The following IQCK variants were observed in gnomAD, a reference collection of about 807,000 sequenced individuals.
IQCK encodes IQ domain-containing protein K.
A neutral mutation model predicts 28.1 loss-of-function variants in IQCK; 29 were observed. The ratio of observed to expected loss-of-function variants is 1.03; its 90% confidence interval spans 0.77 to 1.41. The LOEUF (loss-of-function observed/expected upper bound fraction) is 1.41, where lower values mean the gene tolerates loss of function less well. Among genes scored for constraint, IQCK ranks in the 40% most tolerant of loss-of-function variants. The probability of loss-of-function intolerance (pLI) is 0.00; values close to 1 mark genes in which losing one functional copy is unlikely to be tolerated. For missense variants in IQCK, 359 were observed against 314.7 expected, an observed-to-expected ratio of 1.14 and a Z score of -1.07; for synonymous variants, 113 against 115.1, an observed-to-expected ratio of 0.98 and a Z score of 0.12.
chr16:19,763,267 AAG>A (rs1597533106), intron 4 of IQCK, among the ~76,000 whole-genome samples: 3 of 152,334 alleles, frequency 2.0e-5, no homozygotes, highest in Admixed American at 6.5e-5. Context: ...AAATTATAGA[AAG>A]AGAAAATATA....
intron 1 of IQCK, among the ~76,000 whole-genome samples, chr16:19,726,913 C>A (rs527501737): frequency 9.2e-5 from 14 of 152,170 alleles, no homozygotes; most frequent in South Asian, 8.3e-4. Context: ...GTGGGCAGAT[C>A]ACTTGAGATC....
intron 4 of IQCK, among the ~76,000 whole-genome samples, chr16:19,738,278 A>C (rs2054783935): frequency 6.6e-6 from 1 of 152,160 alleles, no homozygotes; most frequent in Non-Finnish European, 1.5e-5. Context: ...GCTTCCTTCT[A>C]TCTGGGAAGG....
At chr16:19,722,766 G>A (rs977785644) in intron 1 of IQCK, among the ~76,000 whole-genome samples, 1 of 151,694 alleles carries the variant, frequency 6.6e-6, no homozygotes, top group Non-Finnish European at 1.5e-5. Context: ...GCCCAGGCTG[G>A]AGTACAGAGG....
intron 4 of IQCK, among the ~76,000 whole-genome samples, chr16:19,740,054 G>A (rs911283294): frequency 3.9e-5 from 6 of 152,172 alleles, no homozygotes; most frequent in Admixed American, 3.9e-4. Context: ...CCTGAAGCCT[G>A]GGTTTCCATC....
In IQCK at chr16:19,723,267, G is replaced by A. The variant is rs192587666; in HGVS notation, c.181+4780G>A. 2.0e-4 allele frequency among the ~76,000 whole-genome samples: 30 copies of A among 152,136 alleles called. 1 individual carries two copies. The East Asian group carries it at 4.8e-3, about 25-fold the overall frequency. On this transcript the variant is annotated intron_variant, in intron 1 of 7. Coordinates refer to ENST00000564186, the Ensembl canonical transcript of IQCK. Reference sequence around the variant, plus strand: ...ACCTCTCTAAAATTCAAATCTAATCGCATCATGCTGTGACCTACAATGATT... The same window carrying A: ...ACCTCTCTAAAATTCAAATCTAATCACATCATGCTGTGACCTACAATGATT...
chr16:19,779,819 G>T (rs886497925), intron 6 of IQCK, among the ~76,000 whole-genome samples: 2 of 150,792 alleles, frequency 1.3e-5, no homozygotes, highest in Non-Finnish European at 3.0e-5. Flanking sequence ...CTGGGTTCAC[G>T]CCATTCTCCT....
At chr16:19,772,840 T>TA (rs1275635461) in intron 6 of IQCK, among the ~76,000 whole-genome samples, 1 of 151,748 alleles carries the variant, frequency 6.6e-6, no homozygotes, top group South Asian at 2.1e-4. Context: ...CCCATCTCTA[T>TA]AAAAAATCAA....
intron 4 of IQCK, among the ~76,000 whole-genome samples, chr16:19,756,649 G>A (rs2055056126): frequency 6.6e-6 from 1 of 152,148 alleles, no homozygotes; most frequent in Non-Finnish European, 1.5e-5. Flanking sequence ...CACTTTGGGA[G>A]GCCGAGGCCA....
chr16:19,802,951 C>T (rs766853914), intron 7 of IQCK, among the ~76,000 whole-genome samples: 4 of 152,192 alleles, frequency 2.6e-5, no homozygotes, highest in Admixed American at 1.3e-4. Flanking sequence ...ACGTAAGACT[C>T]GTTTATTTGA....
chr16:19,776,591 G>A (rs934439267), intron 6 of IQCK, among the ~76,000 whole-genome samples: 1 of 152,052 alleles, frequency 6.6e-6, no homozygotes, highest in Admixed American at 6.6e-5. Flanking sequence ...CCTGTAATAC[G>A]CCAGCTACTT....
chr16:19,838,976 G>A (rs1038156392), intron 9 of IQCK, among the ~76,000 whole-genome samples: 6 of 121,722 alleles, frequency 4.9e-5, no homozygotes, highest in South Asian at 2.9e-4. Context: ...GCAAGATCAC[G>A]CCACTGCACT....
At position 19,742,758 on chromosome 16, in the gene IQCK, TACTTG is replaced by T. The variant is rs2054855365; in HGVS notation, c.474+7313_474+7317del. On this transcript the variant is annotated intron_variant, in intron 4 of 7. Coordinates refer to ENST00000564186, the Ensembl canonical transcript of IQCK. ...TAAACTGCTGATGTCTAGTTATTTA[TACTTG>T]ACTTCATTATTTTTCTGTTTTTTCT... 2.0e-5 allele frequency among the ~76,000 whole-genome samples: 3 copies of T among 152,260 alleles called. No homozygotes were observed. In the South Asian group the frequency reaches 6.2e-4, roughly 32 times the overall value.
chr16:19,842,349 A>T (rs1169233442), intron 9 of IQCK, among the ~76,000 whole-genome samples: 2 of 152,206 alleles, frequency 1.3e-5, no homozygotes, highest in African/African-American at 4.8e-5. Context: ...TGTAAAACAT[A>T]TTTTTTAAGT....
chr16:19,820,671 A>AAT, intron 7 of IQCK, among the ~76,000 whole-genome samples: 1 of 152,046 alleles, frequency 6.6e-6, no homozygotes, highest in South Asian at 2.1e-4. Context: ...AAAAAGATAA[A>AAT]TTTGATTTTA....
At chr16:19,737,378 C>T (rs182182031) in intron 4 of IQCK, among the ~76,000 whole-genome samples, 2 of 152,168 alleles carry the variant, frequency 1.3e-5, no homozygotes, top group Admixed American at 6.5e-5. Flanking sequence ...AGCAAATACC[C>T]GATGTTTCCT....
intron 6 of IQCK, among the ~76,000 whole-genome samples, chr16:19,767,925 C>T (rs544713064): frequency 6.6e-6 from 1 of 151,258 alleles, no homozygotes; most frequent in South Asian, 2.1e-4. Context: ...TAAAATCACC[C>T]AGGGAACTTT....
chr16:19,742,562 C>T (rs1304804568), intron 4 of IQCK, among the ~76,000 whole-genome samples: 1 of 152,180 alleles, frequency 6.6e-6, no homozygotes, highest in Non-Finnish European at 1.5e-5. Context: ...GGCCTCCAAC[C>T]AAAATTACAT....
chr16:19,733,252 C>T (rs1977898912), intron 2 of IQCK, among the ~76,000 whole-genome samples: 1 of 152,092 alleles, frequency 6.6e-6, no homozygotes, highest in Non-Finnish European at 1.5e-5. Context: ...ATTATCCTGC[C>T]TCAGCCTTCC....
chr16:19,720,870 A>G (rs112410330), intron 1 of IQCK, among the ~76,000 whole-genome samples: 51 of 152,176 alleles, frequency 3.4e-4, no homozygotes, highest in African/African-American at 1.2e-3. Flanking sequence ...TATAAAAACT[A>G]AGTCAGGCTT....
Sources: allele counts gnomAD v4.1 joint callset (sites outside exome capture counted in the v4.1 genomes callset), GRCh38; gene constraint gnomAD v4.1.1; transcripts MANE v1.5; gene names NCBI Gene and HGNC (gene_info 2026-07-23, HGNC 2026-07-21).